POF1B: variants seen among roughly 807,000 people sequenced by gnomAD.
POF1B encodes POF1B actin binding protein.
POF1B carries 53 observed loss-of-function variants against 55.3 expected under a neutral mutation model. The observed-to-expected ratio is 0.96, with a 90% CI of 0.77 to 1.20. The LOEUF (loss-of-function observed/expected upper bound fraction) is 1.20. Among genes scored for constraint, POF1B ranks in the 50% most tolerant of loss-of-function variants. The pLI is 0.00. For missense variants in POF1B, 478 were observed against 420.5 expected (o/e 1.14, Z -1.20); for synonymous variants, 188 against 148.3 (o/e 1.27, Z -1.95).
At chrX:85,299,244 T>C (rs1273633395) in intron 15 of POF1B, among the ~76,000 whole-genome samples, 1 of 95,486 alleles carries the variant, frequency 1.0e-5, no homozygotes, top group African/African-American at 3.8e-5. Flanking sequence ...CAGGCTGTAG[T>C]GCAGTGGTGC....
intron 15 of POF1B, among the ~76,000 whole-genome samples, chrX:85,289,843 T>C (rs1425253853): frequency 2.7e-5 from 3 of 111,565 alleles, no homozygotes; most frequent in African/African-American, 9.8e-5. Flanking sequence ...TGCTACAGCA[T>C]ATTATTCAAA....
intron 7 of POF1B, among the ~76,000 whole-genome samples, chrX:85,323,469 T>A (rs1308003656): frequency 9.3e-6 from 1 of 107,171 alleles, no homozygotes; most frequent in Admixed American, 1.0e-4. Flanking sequence ...GGGGGAGGGA[T>A]AGCATTAGGA....
At chrX:85,302,316 A>G (rs1377332808) in intron 15 of POF1B, among the ~76,000 whole-genome samples, 1 of 111,536 alleles carries the variant, frequency 9.0e-6, no homozygotes, top group Non-Finnish European at 1.9e-5. Flanking sequence ...AGATGTATAA[A>G]TGGCCAATAA....
At chrX:85,323,272 A>T (rs897729008) in intron 7 of POF1B, among the ~76,000 whole-genome samples, 1 of 111,439 alleles carries the variant, frequency 9.0e-6, no homozygotes, top group Non-Finnish European at 1.9e-5. Flanking sequence ...GCCATAAAAA[A>T]TGATGAGTTC....
intron 15 of POF1B, among the ~76,000 whole-genome samples, chrX:85,292,093 A>G (rs1932203367): frequency 9.0e-6 from 1 of 111,292 alleles, no homozygotes; most frequent in Non-Finnish European, 1.9e-5. Flanking sequence ...GGCTCTTATC[A>G]TTTTGAGGTA....
intron 2 of POF1B, among the ~76,000 whole-genome samples, chrX:85,368,027 C>T (rs1291475297): frequency 8.9e-6 from 1 of 111,780 alleles, no homozygotes; most frequent in East Asian, 2.8e-4. Context: ...TTTGTTTCTG[C>T]TTCAAGAACT....
intron 4 of POF1B, among the ~76,000 whole-genome samples, chrX:85,357,769 A>G (rs1275866161): frequency 9.0e-6 from 1 of 110,908 alleles, no homozygotes; most frequent in Non-Finnish European, 1.9e-5. Context: ...CCTCTTAGTG[A>G]TCTCACTCAT....
At chrX:85,295,069 C>A (rs1322758034) in intron 15 of POF1B, among the ~76,000 whole-genome samples, 1 of 111,290 alleles carries the variant, frequency 9.0e-6, no homozygotes, top group African/African-American at 3.3e-5. Context: ...GTTGTAAAGC[C>A]ATCTTTTTTA....
At chrX:85,350,837 A>G (rs754112582) in intron 5 of POF1B, among the ~76,000 whole-genome samples, 1 of 111,538 alleles carries the variant, frequency 9.0e-6, no homozygotes, top group South Asian at 3.7e-4. Context: ...TCAGGAAACA[A>G]CAGGTGCTGC....
At chrX:85,354,469 A>C (rs903295567) in intron 4 of POF1B, among the ~76,000 whole-genome samples, 2 of 110,734 alleles carry the variant, frequency 1.8e-5, no homozygotes, top group African/African-American at 6.5e-5. Flanking sequence ...CAAAAGCATG[A>C]AATTTTTTTT....
chrX:85,317,867 C>T (rs768332042), intron 7 of POF1B, among the ~76,000 whole-genome samples: 117 of 111,889 alleles, frequency 1.0e-3, no homozygotes, highest in Non-Finnish European at 1.9e-3. Flanking sequence ...GGTATATATA[C>T]ACCATGGAAT....
Position 85,308,043 on chromosome X carries a change from A to G in POF1B, c.1050+81T>C, listed in dbSNP as rs1340694865. On this transcript the variant is annotated intron_variant, in intron 10 of 16. Coordinates refer to ENST00000262753, the MANE Select transcript of POF1B (RefSeq NM_024921.4). ...ATATTGTGCTATATTAAATTTTAAAAACATATACTGGACATCTTTATTTCT... is the reference window on the plus strand; with the variant it reads ...ATATTGTGCTATATTAAATTTTAAAGACATATACTGGACATCTTTATTTCT... The G allele has an allele frequency of 5.3e-6, 3 of 561,523 alleles. No homozygotes were observed. The African/African-American group carries it at 7.1e-5, about 13-fold the overall frequency. 46.3% of individuals were successfully genotyped at this position (561,523 alleles called of 1,213,427 possible).
intron 6 of POF1B, among the ~76,000 whole-genome samples, chrX:85,332,738 TA>T (rs1307716811): frequency 9.0e-6 from 1 of 111,377 alleles, no homozygotes; most frequent in Non-Finnish European, 1.9e-5. Context: ...ATTGGTCAGT[TA>T]AAAAAAGTGA....
chrX:85,331,289 G>T (rs1364216579), intron 6 of POF1B, among the ~76,000 whole-genome samples: 1 of 111,351 alleles, frequency 9.0e-6, no homozygotes, highest in Non-Finnish European at 1.9e-5. Context: ...TCGATTCTAA[G>T]TGTTCAAATG....
intron 15 of POF1B, among the ~76,000 whole-genome samples, chrX:85,284,004 T>TA (rs1354509024): frequency 9.0e-6 from 1 of 111,335 alleles, no homozygotes; most frequent in African/African-American, 3.3e-5. Context: ...AGCATTCCTA[T>TA]ACACCAATAA....
chrX:85,336,836 T>G (rs1933083885), intron 6 of POF1B, among the ~76,000 whole-genome samples: 1 of 111,616 alleles, frequency 9.0e-6, no homozygotes, highest in Non-Finnish European at 1.9e-5. Flanking sequence ...TTCGGTTGTT[T>G]GTGCTTCTGG....
At position 85,279,174 on chromosome X, in the gene POF1B, G is replaced by T. The variant is rs1211200264; in HGVS notation, c.*247C>A. 3.1e-5 allele frequency: 9 copies of T among 286,250 alleles called. No homozygotes were observed. The highest frequency in any genetic ancestry group is 5.0e-5 in the Non-Finnish European group (8 of 159,155). The allele number at this position is 286,250 out of a possible 1,213,427, so 23.6% of individuals were successfully genotyped here. A position where few individuals can be genotyped will look rare whatever the true frequency, so the allele number is the denominator to read the frequency against. On this transcript the variant is annotated 3_prime_UTR_variant, in exon 17 of 17. Coordinates refer to ENST00000262753, the MANE Select transcript of POF1B (RefSeq NM_024921.4). ...CTGCAATCAAACTTTAAACAATCAG[G>T]TCCCTCTTTCAGTTAGTATGTTGTT...
chrX:85,309,556 A>G (rs1179496510), intron 9 of POF1B, among the ~76,000 whole-genome samples: 4 of 111,020 alleles, frequency 3.6e-5, no homozygotes, highest in African/African-American at 3.3e-5. Context: ...TTTGCTTCAT[A>G]TATTAGATCA....
intron 6 of POF1B, among the ~76,000 whole-genome samples, chrX:85,332,747 T>G (rs980991444): frequency 5.4e-5 from 6 of 111,400 alleles, no homozygotes; most frequent in African/African-American, 1.9e-4. Flanking sequence ...TTAAAAAAAG[T>G]GAGACACAAA....
Sources: gnomAD v4.1 joint callset for allele counts (sites outside exome capture counted in the v4.1 genomes callset) on GRCh38, gnomAD v4.1.1 for gene constraint, MANE v1.5 for transcripts, NCBI Gene and HGNC (gene_info 2026-07-23, HGNC 2026-07-21) for gene names.